GPS2: variants seen among roughly 807,000 people sequenced by gnomAD.
GPS2 encodes GPS-2.
A neutral mutation model predicts 48.1 loss-of-function variants in GPS2; 22 were observed. The observed-to-expected ratio is 0.46, with a 90% CI of 0.33 to 0.65. GPS2 has a LOEUF of 0.65. GPS2 is among the 30% of genes least tolerant of loss of function. The pLI is 0.03. For missense variants in GPS2, 366 were observed against 406.8 expected, an observed-to-expected ratio of 0.90 and a Z score of 0.86; for synonymous variants, 202 against 142.5, an observed-to-expected ratio of 1.42 and a Z score of -2.98.
chr17:7,313,915 T>C lies in GPS2; in HGVS notation c.471A>G (p.Gln157=), dbSNP rs531403680. The part of the protein sequence containing the change: ...ADRAKQMFGP[Q]VLTTRHYVGS... ...CCAATCCTACTCTCACCGTAAGCAC[T>C]TGGGGTCCAAACATTTGTTTGGCTC... Residue 157 remains glutamine, a synonymous_variant, in exon 6 of 11, where the codon CAA becomes CAG. Coordinates refer to ENST00000380728, the MANE Select transcript of GPS2 (RefSeq NM_004489.5). 7 of 1,613,920 alleles carry C rather than the reference T, an allele frequency of 4.3e-6. No homozygotes were observed. The East Asian group carries it at 1.1e-4, about 26-fold the overall frequency.
rs775259683 is a variant in GPS2 at position 7,313,440 on chromosome 17, G to A, written c.664C>T (p.Leu222=). Residue 222 remains leucine, a synonymous_variant, in exon 8 of 11, where the codon CTA becomes TTA. Coordinates refer to ENST00000380728, the MANE Select transcript of GPS2 (RefSeq NM_004489.5). ...APSAFPAVQY[L]SQPQPQPYAV... ...TAGGGCTGTGGCTGTGGCTGAGATA[G>A]GTACTGCACTGCAGGGAATGCCGAA... The A allele has an allele frequency of 7.4e-6, 12 of 1,614,046 alleles. No homozygotes were observed. Among genetic ancestry groups the A allele is most frequent in the Non-Finnish European group, 1.0e-5 (12 of 1,180,034 alleles).
chr17:7,315,069 C>T lies in GPS2; in HGVS notation c.-17G>A, dbSNP rs1274820319. ...TGCGGGCATGGTGCTGCCGTGGGCG[C>T]TCGGGCCGTGGGCGCCCGGCTGTCT... On this transcript the variant is annotated 5_prime_UTR_variant, in exon 2 of 11. Transcript: ENST00000380728. 1.3e-6 allele frequency: 2 copies of T among 1,569,406 alleles called. No homozygotes were observed. Among genetic ancestry groups the T allele is most frequent in the African/African-American group, 2.7e-5 (2 of 73,022 alleles).
Position 7,314,686 on chromosome 17 carries a change from C to T in GPS2, c.95-89G>A. 3 of 1,599,322 alleles carry T rather than the reference C, an allele frequency of 1.9e-6. No individual in the cohort carries two copies. The South Asian group carries it at 3.3e-5, about 18-fold the overall frequency. On this transcript the variant is annotated intron_variant, in intron 2 of 10. Coordinates refer to ENST00000380728, the MANE Select transcript of GPS2 (RefSeq NM_004489.5). Reference sequence around the variant, plus strand: ...GAAGACCAGCAAAACCCAGTCATCCCAACACGCCTGTATGCTCTTTGCCTC... The same window carrying T: ...GAAGACCAGCAAAACCCAGTCATCCTAACACGCCTGTATGCTCTTTGCCTC...
chr17:7,314,620 G>T (rs373387151), intron 2 of GPS2, 23 bp from the exon 3 acceptor site: 3 of 1,613,692 alleles, frequency 1.9e-6, no homozygotes, highest in East Asian at 2.2e-5. Flanking sequence ...GCAGAATGAA[G>T]AAGAGGCAGG....
Position 7,313,115 on chromosome 17 carries a change from G to C in GPS2, c.814C>G (p.Arg272Gly). 6.3e-7 allele frequency: 1 copy of C among 1,595,966 alleles called. No individual in the cohort carries two copies. The highest frequency in any genetic ancestry group is 8.6e-7 in the Non-Finnish European group (1 of 1,167,834). ...TGCAGAGCCTGGGGGTGCATGGGGC[G>C]CAGAGAGGACTGCAGAGAACAGAGT... ...QTGFSDSSSL[R>G]PMHPQALHPA... Residue 272 changes from arginine (R) to glycine (G), a missense_variant, in exon 10 of 11, where the codon CGC becomes GGC. Coordinates refer to ENST00000380728, the MANE Select transcript of GPS2 (RefSeq NM_004489.5).
In GPS2 at chr17:7,313,890, C is replaced by G; in HGVS notation, c.480+16G>C. 6.2e-7 allele frequency: 1 copy of G among 1,609,126 alleles called. No homozygotes were observed. The highest frequency in any genetic ancestry group is 2.2e-5 in the East Asian group (1 of 44,866). On this transcript the variant is annotated intron_variant, in intron 6 of 10. Transcript: ENST00000380728. ...GATGGAAGTACTAGGGGCTAGGCAT[C>G]CAATCCTACTCTCACCGTAAGCACT... is the stretch of plus-strand genomic sequence containing the variant.
chr17:7,312,954 C>A, intron 10 of GPS2, 75 bp downstream of exon 10: 1 of 1,455,388 alleles, frequency 6.9e-7, no homozygotes, highest in Non-Finnish European at 9.6e-7. Flanking sequence ...TGTGGGCCAC[C>A]TGTCCTACCT....
At position 7,312,905 on chromosome 17, in the gene GPS2, C is replaced by T. The variant is rs1309758618; in HGVS notation, c.901-66G>A. ...ACTCTCCCTTCCACTTAATACCCTA[C>T]TGATAACCACCCCCAAAGAGGAAGG... On this transcript the variant is annotated intron_variant, in intron 10 of 10. Transcript: ENST00000380728. The T allele has an allele frequency of 4.6e-6, 7 of 1,510,418 alleles. No individual in the cohort carries two copies. The South Asian group carries it at 5.6e-5, about 12-fold the overall frequency. The allele number at this position is 1,510,418 out of a possible 1,614,324, so 93.6% of individuals were successfully genotyped here.
In GPS2 at chr17:7,312,979, G is replaced by A. The variant is rs759020590; in HGVS notation, c.900+50C>T. ...CTGTCCTACCTAATCCTGCTTTTCC[G>A]GATCCCTAGTGTAGGGATTCTGACA... is the stretch of plus-strand genomic sequence containing the variant. On this transcript the variant is annotated intron_variant, in intron 10 of 10. Coordinates refer to ENST00000380728, the MANE Select transcript of GPS2 (RefSeq NM_004489.5). 27 of 1,490,522 alleles carry A rather than the reference G, an allele frequency of 1.8e-5. 1 individual carries two copies. Among genetic ancestry groups the A allele is most frequent in the South Asian group, 9.9e-5 (8 of 81,172 alleles). 92.3% of individuals were successfully genotyped at this position (1,490,522 alleles called of 1,614,324 possible).
Position 7,313,755 on chromosome 17 carries a change from T to G in GPS2, c.481-34A>C, listed in dbSNP as rs371642641. ...GGAGAATGAGAACTCGCCTACAAAC[T>G]CCTTGAAAGCTGAAACCCAGTGACT... On this transcript the variant is annotated intron_variant, in intron 6 of 10. Transcript: ENST00000380728. 28 of 1,609,260 alleles carry G rather than the reference T, an allele frequency of 1.7e-5. No individual in the cohort carries two copies. In the African/African-American group the frequency reaches 3.2e-4, roughly 18 times the overall value.
rs537436001 is a variant in GPS2, at chr17:7,314,473, C to T, written c.204+15G>A. 3.2e-5 allele frequency: 52 copies of T among 1,614,174 alleles called. No homozygotes were observed. In the South Asian group the frequency reaches 3.4e-4, roughly 11 times the overall value. ...CGAAGAAATCAAAGCTGGGAAAGTT[C>T]AAGGGACTGCTTACTTGTTCCTTGG... is the stretch of plus-strand genomic sequence containing the variant. On this transcript the variant is annotated intron_variant, in intron 3 of 10. Transcript: ENST00000380728.
At position 7,315,316 on chromosome 17, in the gene GPS2, G is replaced by T. The variant is rs1004186932; in HGVS notation, c.-68+15C>A. 5 of 381,948 alleles carry T rather than the reference G, an allele frequency of 1.3e-5. No individual in the cohort carries two copies. Among genetic ancestry groups the T allele is most frequent in the Non-Finnish European group, 2.3e-5 (5 of 215,970 alleles). 23.7% of individuals were successfully genotyped at this position (381,948 alleles called of 1,614,324 possible). A position where few individuals can be genotyped will look rare whatever the true frequency, so the allele number is the denominator to read the frequency against. On this transcript the variant is annotated intron_variant, in intron 1 of 10. Transcript: ENST00000380728. ...CGCTCCCTGCCCAGCCAGCGCGGAC[G>T]ACTGCCCTTCCTACCCGCCTTCTCT... is the stretch of plus-strand genomic sequence containing the variant.
Position 7,315,001 on chromosome 17 carries a change from G to A in GPS2, c.52C>T (p.Leu18=), listed in dbSNP as rs1219824982. 2 of 1,603,650 alleles carry A rather than the reference G, an allele frequency of 1.2e-6. No homozygotes were observed. Among genetic ancestry groups the A allele is most frequent in the Non-Finnish European group, 1.7e-6 (2 of 1,175,914 alleles). ...PKLSNAMARA[L]HRHIMMERER... ...CGCTCCATCATAATGTGCCGGTGCA[G>A]CGCCCTGGCCATGGCGTTGGAAAGC... The change falls in exon 2 of 11, where the codon CTG becomes TTG. Residue 18 remains leucine (L), a synonymous_variant. Transcript: ENST00000380728.
rs2072919607 is a variant in GPS2 at position 7,315,053 on chromosome 17, G to A, written c.-1C>T. On this transcript the variant is annotated 5_prime_UTR_variant, in exon 2 of 11. Coordinates refer to ENST00000380728, the MANE Select transcript of GPS2 (RefSeq NM_004489.5). ...TGGGGCGCTCCAGGAGTGCGGGCATGGTGCTGCCGTGGGCGCTCGGGCCGT... is the reference window on the plus strand; with the variant it reads ...TGGGGCGCTCCAGGAGTGCGGGCATAGTGCTGCCGTGGGCGCTCGGGCCGT... 6.3e-7 allele frequency: 1 copy of A among 1,590,724 alleles called. No individual in the cohort carries two copies. Among genetic ancestry groups the A allele is most frequent in the Non-Finnish European group, 8.5e-7 (1 of 1,169,996 alleles).
intron 1 of GPS2, 28 bp downstream of exon 1, chr17:7,315,303 A>G (rs2072924295): frequency 5.5e-6 from 2 of 366,738 alleles, no homozygotes; most frequent in Non-Finnish European, 9.7e-6. Context: ...CTCCCTGCCC[A>G]GCCAGCGCGG....
At chr17:7,315,144 G>C in intron 1 of GPS2, 25 bp from the exon 2 acceptor site, 1 of 957,102 alleles carries the variant, frequency 1.0e-6, no homozygotes. Flanking sequence ...GCGCTCAGAG[G>C]GGGCCGCGCC....
In GPS2 at chr17:7,313,686, T is replaced by C. The variant is rs2072895725; in HGVS notation, c.516A>G (p.Ala172=). 3 of 1,614,004 alleles carry C rather than the reference T, an allele frequency of 1.9e-6. No individual in the cohort carries two copies. The highest frequency in any genetic ancestry group is 1.1e-5 in the South Asian group (1 of 91,094). The change falls in exon 7 of 11, where the codon GCA becomes GCG. Residue 172 remains alanine, a synonymous_variant. Transcript: ENST00000380728. ...RHYVGSAAAF[A]GTPEHGQFQG... is the part of the protein sequence containing the mutation. ...GGAATTGTCCATGCTCTGGTGTCCC[T>C]GCAAAAGCAGCTGCTGAGCCCACGT... is the stretch of plus-strand genomic sequence containing the variant.
In GPS2 at chr17:7,314,963, C is replaced by A; in HGVS notation, c.90G>T (p.Arg30=). 6.3e-7 allele frequency: 1 copy of A among 1,582,368 alleles called. No individual in the cohort carries two copies. The highest frequency in any genetic ancestry group is 8.6e-7 in the Non-Finnish European group (1 of 1,164,940). The change falls in exon 2 of 11, where the codon CGG becomes CGT. Residue 30 remains arginine, a synonymous_variant. Transcript: ENST00000380728. ...RHIMMERERK[R]QEEEEVDKMM... ...CCTGCTATGGCCCCGGCTCACCCTG[C>A]CGCTTGCGCTCCCGCTCCATCATAA...
In GPS2 at chr17:7,312,670, G is replaced by C. The variant is rs1398857013; in HGVS notation, c.*86C>G. 4 of 1,064,774 alleles carry C rather than the reference G, an allele frequency of 3.8e-6. No individual in the cohort carries two copies. The highest frequency in any genetic ancestry group is 5.9e-6 in the Non-Finnish European group (4 of 683,120). The allele number at this position is 1,064,774 out of a possible 1,614,324, so 66.0% of individuals were successfully genotyped here. ...CAGCAGCAGCCAGGGGCAGTGGCAG[G>C]TAGATTTTATTGGCCTGGGACACAC... On this transcript the variant is annotated 3_prime_UTR_variant, in exon 11 of 11. Coordinates refer to ENST00000380728, the MANE Select transcript of GPS2 (RefSeq NM_004489.5).
Sources: allele counts gnomAD v4.1 joint callset, GRCh38; gene constraint gnomAD v4.1.1; transcripts MANE v1.5; gene names NCBI Gene and HGNC (gene_info 2026-07-23, HGNC 2026-07-21).